The following IGSF9B variants were observed in gnomAD, a reference collection of about 807,000 sequenced individuals.
The protein encoded by IGSF9B is protein turtle homolog B.
IGSF9B carries 48 observed loss-of-function variants against 143.7 expected under a neutral mutation model. The observed-to-expected ratio is 0.33, with a 90% confidence interval of 0.26 to 0.42. IGSF9B has a LOEUF of 0.42. IGSF9B is among the 20% of genes least tolerant of loss of function. IGSF9B has a pLI of 1.00. For synonymous variants in IGSF9B, 903 were observed against 833.1 expected (o/e 1.08, Z -1.44); for missense variants, 1,706 against 1,980.0 (o/e 0.86, Z 2.63).
rs564711822 is a variant in IGSF9B at position 133,920,379 on chromosome 11, G to A, written c.3346C>T (p.Pro1116Ser). ...KSPGRGPVPA[P>S]PAAKWQDRPM... ...CTGTCCTGCCACTTGGCGGCGGGGG[G>A]CGCTGGGACAGGGCCCCTGCCGGGC... The change falls in exon 18 of 20, where the codon CCC (proline) becomes TCC (serine). Residue 1116 changes from proline (P) to serine (S), a missense_variant. This residue lies in a region of IGSF9B where 880 missense variants were observed against 762.9 expected (regional missense o/e 1.15). Transcript: ENST00000533871. 315 of 1,603,764 alleles carry A rather than the reference G, an allele frequency of 2.0e-4. No individual in the cohort carries two copies. The East Asian group carries it at 6.4e-3, about 33-fold the overall frequency.
intron 18 of IGSF9B, among the ~76,000 whole-genome samples, chr11:133,912,888 G>T (rs1184419007): frequency 2.6e-5 from 4 of 152,218 alleles, no homozygotes; most frequent in African/African-American, 9.6e-5. Context: ...AGGGTCCACA[G>T]TCTGGCCACA....
In IGSF9B at chr11:133,908,099, CTT is replaced by C. The variant is rs1008897157; in HGVS notation, c.*968_*969del. Among the ~76,000 whole-genome samples the C allele has an allele frequency of 2.0e-5, 3 of 152,228 alleles. No homozygotes were observed. The highest frequency in any genetic ancestry group is 4.4e-5 in the Non-Finnish European group (3 of 68,040). ...CACAGGTGGCTCCGCAGTGGGGAGA[CTT>C]TGGCCACAGAGCTCACGGCCTGGCT... is the stretch of plus-strand genomic sequence containing the variant. On this transcript the variant is annotated 3_prime_UTR_variant, in exon 20 of 20. Coordinates refer to ENST00000533871, the MANE Select transcript of IGSF9B (RefSeq NM_001277285.4).
chr11:133,951,082 C>G (rs1264382166), intron 1 of IGSF9B, among the ~76,000 whole-genome samples: 2 of 152,156 alleles, frequency 1.3e-5, no homozygotes, highest in Admixed American at 6.5e-5. Context: ...GCCGGCAGAC[C>G]CGGGGCTCTC....
At chr11:133,927,538 C>T (rs7931606) in intron 12 of IGSF9B, among the ~76,000 whole-genome samples, 4,868 of 152,252 alleles carry the variant, frequency 0.032, 278 homozygotes, top group African/African-American at 0.11. Context: ...AGTAGGGCCT[C>T]GGGTAACCCA....
chr11:133,956,802 C>G lies in IGSF9B; in HGVS notation c.-48G>C. 1 of 1,204,988 alleles carries G rather than the reference C, an allele frequency of 8.3e-7. No homozygotes were observed. The highest frequency in any genetic ancestry group is 1.1e-6 in the Non-Finnish European group (1 of 901,630). 74.6% of individuals were successfully genotyped at this position (1,204,988 alleles called of 1,614,324 possible). ...GCCTCATCCTATCGCAAAGTGCTCC[C>G]GCGCCCGCACGCGCCTCGCGCCCGA... On this transcript the variant is annotated 5_prime_UTR_variant, in exon 1 of 20. Transcript: ENST00000533871.
At position 133,921,381 on chromosome 11, in the gene IGSF9B, C is replaced by T. The variant is rs769001870; in HGVS notation, c.2344G>A (p.Val782Met). 1.3e-6 allele frequency: 2 copies of T among 1,528,172 alleles called. No homozygotes were observed. The highest frequency in any genetic ancestry group is 2.3e-5 in the East Asian group (1 of 43,742). 94.7% of individuals were successfully genotyped at this position (1,528,172 alleles called of 1,614,324 possible). A position where few individuals can be genotyped will look rare whatever the true frequency, so the allele number is the denominator to read the frequency against. Residue 782 changes from valine (V) to methionine (M), a missense_variant, in exon 18 of 20, where the codon GTG becomes ATG. Around this residue, in one of 7 missense-constraint regions of IGSF9B, gnomAD observed 135 missense variants for 181.3 expected, o/e 0.74. Coordinates refer to ENST00000533871, the MANE Select transcript of IGSF9B (RefSeq NM_001277285.4). The part of the protein sequence containing the change: ...SLESPLSSGK[V>M]SPESIRTLRA... ...AGCGTGCGGATGCTCTCGGGGCTCA[C>T]CTTGCCAGAGGACAAGCTGCAAGGA...
chr11:133,950,418 C>G (rs570341503), intron 1 of IGSF9B, among the ~76,000 whole-genome samples: 1 of 152,226 alleles, frequency 6.6e-6, no homozygotes, highest in Non-Finnish European at 1.5e-5. Flanking sequence ...GACACACGCA[C>G]CGCTGTCTCC....
chr11:133,909,135 C>T lies in IGSF9B; in HGVS notation c.4248G>A (p.Pro1416=), dbSNP rs1162456127. ...TGTTGAGAATCGCTGTCTGGTCTTC[C>T]GGAAGCTGGCGGTGGCACAAGTCTG... ...RLSDLCHRQL[P]EDQTAILNSV... The change falls in exon 20 of 20, where the codon CCG becomes CCA. Residue 1416 remains proline, a synonymous_variant. Transcript: ENST00000533871. The surrounding 1 kb of genome is among the most constrained non-coding windows in gnomAD (Gnocchi z 4.2). 2.4e-5 allele frequency: 37 copies of T among 1,535,754 alleles called. No homozygotes were observed. The highest frequency in any genetic ancestry group is 5.9e-5 in the Admixed American group (3 of 50,968).
At position 133,919,979 on chromosome 11, in the gene IGSF9B, C is replaced by T. The variant is rs765847381; in HGVS notation, c.3746G>A (p.Arg1249Gln). ...LQPPAAVSFS[R>Q]KSTPSTGSPS... ...GGAGCCTGTGGACGGCGTAGACTTT[C>T]GAGAAAAGCTGACTGCAGCCGGCGG... The change falls in exon 18 of 20, where the codon CGA (arginine) becomes CAA (glutamine). Residue 1249 changes from arginine to glutamine, a missense_variant. Around this residue, in one of 7 missense-constraint regions of IGSF9B, gnomAD observed 880 missense variants for 762.9 expected, o/e 1.15. Coordinates refer to ENST00000533871, the MANE Select transcript of IGSF9B (RefSeq NM_001277285.4). 4.9e-5 allele frequency: 77 copies of T among 1,575,278 alleles called. No homozygotes were observed. Among genetic ancestry groups the T allele is most frequent in the Admixed American group, 3.2e-4 (17 of 52,924 alleles).
rs1939096782 is a variant in IGSF9B, at chr11:133,900,219, T to C, written c.*8850A>G. 1.3e-5 allele frequency: 2 copies of C among 152,730 alleles called. No homozygotes were observed. Among genetic ancestry groups the C allele is most frequent in the South Asian group, 2.1e-4 (1 of 4,822 alleles). 9.5% of individuals were successfully genotyped at this position (152,730 alleles called of 1,614,324 possible). A position where few individuals can be genotyped will look rare whatever the true frequency, so the allele number is the denominator to read the frequency against. On this transcript the variant is annotated 3_prime_UTR_variant, in exon 20 of 20. Coordinates refer to ENST00000533871, the MANE Select transcript of IGSF9B (RefSeq NM_001277285.4). ...AGACAAGAGCTCTTAGGGAGTGCCA[T>C]GTCTTGGTTAGGAAAGGGGTTAGTA...
At chr11:133,934,701 A>G (rs1247639011) in intron 7 of IGSF9B, among the ~76,000 whole-genome samples, 1 of 152,096 alleles carries the variant, frequency 6.6e-6, no homozygotes. Context: ...TCTGGGCAGC[A>G]GTCGGACCAG....
In IGSF9B at chr11:133,948,056, CGTGT is replaced by C. The variant is rs71038546; in HGVS notation, c.65-1802_65-1799del. ...CTGTTTCTGTCTACCAGCATGTGTG[CGTGT>C]GTGTGTGTGTGTGTGTGTGTGTGTG... is the stretch of plus-strand genomic sequence containing the variant. On this transcript the variant is annotated intron_variant, in intron 1 of 19. Transcript: ENST00000533871. This position sits in a 1 kb window ranked among gnomAD's most constrained non-coding sequence, Gnocchi z 4.7. 0.01 allele frequency among the ~76,000 whole-genome samples: 1,494 copies of C among 147,264 alleles called. 25 individuals are homozygous for C. The highest frequency in any genetic ancestry group is 0.027 in the African/African-American group (1,069 of 39,168).
At chr11:133,918,559 C>A (rs986717422) in intron 18 of IGSF9B, among the ~76,000 whole-genome samples, 5 of 152,292 alleles carry the variant, frequency 3.3e-5, no homozygotes, top group South Asian at 4.1e-4. Context: ...CACCTCCCTG[C>A]GCCCTAAGCC....
chr11:133,912,322 A>G (rs1455342921), intron 18 of IGSF9B: 2 of 517,662 alleles, frequency 3.9e-6, no homozygotes, highest in Admixed American at 4.5e-5. Flanking sequence ...GCTGGGATGC[A>G]TTTAGTGTCA....
At chr11:133,932,250 C>G in intron 7 of IGSF9B, 37 bp from the exon 8 acceptor site, 1 of 1,496,554 alleles carries the variant, frequency 6.7e-7, no homozygotes, top group Non-Finnish European at 8.8e-7. Context: ...AGCAGACAGA[C>G]AGACACAGGG....
intron 18 of IGSF9B, among the ~76,000 whole-genome samples, chr11:133,918,066 C>T (rs958166506): frequency 2.0e-5 from 3 of 151,636 alleles, no homozygotes; most frequent in Admixed American, 6.6e-5. Context: ...GGGGCAGAAG[C>T]TGCAGCTAGG....
Position 133,909,049 on chromosome 11 carries a change from A to G in IGSF9B, c.*20T>C. 6.5e-7 allele frequency: 1 copy of G among 1,530,202 alleles called. No homozygotes were observed. Among genetic ancestry groups the G allele is most frequent in the Non-Finnish European group, 8.8e-7 (1 of 1,142,052 alleles). 94.8% of individuals were successfully genotyped at this position (1,530,202 alleles called of 1,614,324 possible). On this transcript the variant is annotated 3_prime_UTR_variant, in exon 20 of 20. Coordinates refer to ENST00000533871, the MANE Select transcript of IGSF9B (RefSeq NM_001277285.4). This position sits in a 1 kb window ranked among gnomAD's most constrained non-coding sequence, Gnocchi z 4.2. ...TGAGCCCAGCAACCTCGCCCCGGGG[A>G]CACCTAGAGTGGGGTGGAGTCACAG...
In IGSF9B at chr11:133,905,239, C is replaced by G. The variant is rs534030543; in HGVS notation, c.*3830G>C. ...TGTACTTTATGTACAATTCTTCCCC[C>G]ACCCCACCCCCAAGCCTGGAAAAGG... On this transcript the variant is annotated 3_prime_UTR_variant, in exon 20 of 20. Coordinates refer to ENST00000533871, the MANE Select transcript of IGSF9B (RefSeq NM_001277285.4). The surrounding 1 kb of genome is among the most constrained non-coding windows in gnomAD (Gnocchi z 4.0). 8.5e-5 allele frequency among the ~76,000 whole-genome samples: 13 copies of G among 152,094 alleles called. No individual in the cohort carries two copies. In the South Asian group the frequency reaches 2.7e-3, roughly 32 times the overall value.
chr11:133,926,901 A>T lies in IGSF9B; in HGVS notation c.1807+15T>A. 6.4e-7 allele frequency: 1 copy of T among 1,556,576 alleles called. No homozygotes were observed. The highest frequency in any genetic ancestry group is 8.7e-7 in the Non-Finnish European group (1 of 1,145,264). The stretch of plus-strand genomic sequence containing the variant: ...CTACAACCCCCGCTCCCAACATCCC[A>T]CCCCGGGCCCTCACCTAAAGTGTTC... On this transcript the variant is annotated intron_variant, in intron 13 of 19. Transcript: ENST00000533871.
Sources: allele counts gnomAD v4.1 joint callset (sites outside exome capture counted in the v4.1 genomes callset), GRCh38; gene constraint gnomAD v4.1.1; regional missense constraint gnomAD v4.1.1; non-coding constraint Gnocchi (gnomAD v3.1); transcripts MANE v1.5; gene names NCBI Gene and HGNC (gene_info 2026-07-23, HGNC 2026-07-21).